NAA15: variants seen among roughly 807,000 people sequenced by gnomAD.
The protein encoded by NAA15 is N-alpha-acetyltransferase 15, NatA auxiliary subunit.
Under a neutral mutation model 114.0 loss-of-function variants are expected in NAA15, and 34 were observed. The ratio of observed to expected loss-of-function variants is 0.30; its 90% confidence interval spans 0.23 to 0.40. NAA15 has a LOEUF of 0.40. NAA15 is among the 10% of genes least tolerant of loss of function. The probability of loss-of-function intolerance (pLI) is 1.00; values close to 1 mark genes in which losing one functional copy is unlikely to be tolerated. For synonymous variants in NAA15, 340 were observed against 338.0 expected (o/e 1.01, Z -0.06); for missense variants, 658 against 1,004.5 (o/e 0.66, Z 4.66).
chr4:139,381,197 CTT>C (rs1232444352), intron 17 of NAA15, among the ~76,000 whole-genome samples: 2 of 152,072 alleles, frequency 1.3e-5, no homozygotes, highest in Non-Finnish European at 2.9e-5. Context: ...GGAGCACTGT[CTT>C]TTTCTTATTA....
chr4:139,370,531 A>G (rs2110977905), intron 15 of NAA15, 127 bp downstream of exon 15: 1 of 765,946 alleles, frequency 1.3e-6, no homozygotes, highest in East Asian at 3.3e-5. Context: ...AAATTATTTT[A>G]TTTTTTAGTA....
chr4:139,335,654 C>T (rs973448219), intron 2 of NAA15, among the ~76,000 whole-genome samples: 5 of 152,124 alleles, frequency 3.3e-5, no homozygotes, highest in Non-Finnish European at 5.9e-5. Context: ...TGAGCCACTG[C>T]GCCCAGCCTA....
intron 1 of NAA15, among the ~76,000 whole-genome samples, chr4:139,307,180 G>A (rs370784940): frequency 6.6e-6 from 1 of 152,218 alleles, no homozygotes; most frequent in Admixed American, 6.5e-5. Context: ...AGGTGCTTTA[G>A]AATAGCACTG....
intron 1 of NAA15, among the ~76,000 whole-genome samples, chr4:139,329,045 T>TG (rs1420317692): frequency 7.3e-6 from 1 of 137,326 alleles, no homozygotes; most frequent in Non-Finnish European, 1.6e-5. Context: ...AATTTTTTTT[T>TG]TTTTTTTTGT....
intron 1 of NAA15, among the ~76,000 whole-genome samples, chr4:139,311,155 A>G (rs1265864708): frequency 6.6e-6 from 1 of 151,558 alleles, no homozygotes; most frequent in African/African-American, 2.4e-5. Flanking sequence ...TTCTCACCTT[A>G]TTTTCTTATT....
chr4:139,315,001 T>TTCAGTTCAGTTCAGG (rs1181192026), intron 1 of NAA15, among the ~76,000 whole-genome samples: 1 of 74,354 alleles, frequency 1.3e-5, no homozygotes, highest in Non-Finnish European at 2.5e-5. Context: ...TTCAGTTCAG[T>TTCAGTTCAGTTCAGG]TTAGTTTAGG....
Position 139,354,047 on chromosome 4 carries a change from G to C in NAA15, c.1036G>C (p.Val346Leu). ...CTAGGTGGCAATCATAGAAGAGTTA[G>C]TAGTAGGTTATGAAACCTCTCTAAA... The part of the protein sequence containing the change: ...KEKVAIIEEL[V>L]VGYETSLKSC... Residue 346 changes from valine (V) to leucine (L), a missense_variant, in exon 10 of 20, where the codon GTA (valine) becomes CTA (leucine). Physicochemically the swap from Val to Leu is conservative, Grantham distance 32. Around this residue, in one of 6 missense-constraint regions of NAA15, gnomAD observed 281 missense variants for 389.1 expected, o/e 0.72. Transcript: ENST00000296543. 6.2e-7 allele frequency: 1 copy of C among 1,613,674 alleles called. No individual in the cohort carries two copies. Among genetic ancestry groups the C allele is most frequent in the Non-Finnish European group, 8.5e-7 (1 of 1,179,708 alleles).
Position 139,352,817 on chromosome 4 carries a change from G to A in NAA15, c.1014+1206G>A, listed in dbSNP as rs371215997. ...CAAGTAGCTGCGATTACAGGCACGT[G>A]CCACCATACCAGGCTAATTTTTGTA... is the stretch of plus-strand genomic sequence containing the variant. On this transcript the variant is annotated intron_variant, in intron 9 of 19. Transcript: ENST00000296543. 1.9e-4 allele frequency among the ~76,000 whole-genome samples: 29 copies of A among 151,964 alleles called. 1 individual carries two copies. In the East Asian group the frequency reaches 4.6e-3, roughly 24 times the overall value.
At chr4:139,327,748 C>T (rs1746849973) in intron 1 of NAA15, among the ~76,000 whole-genome samples, 1 of 152,156 alleles carries the variant, frequency 6.6e-6, no homozygotes, top group Admixed American at 6.5e-5. Flanking sequence ...TCACTGTAAC[C>T]TCTGCCTCCC....
chr4:139,326,871 G>GT (rs1408360837), intron 1 of NAA15, among the ~76,000 whole-genome samples: 1 of 152,064 alleles, frequency 6.6e-6, no homozygotes, highest in African/African-American at 2.4e-5. Context: ...TTTAGTTTAG[G>GT]TATGTCATTA....
intron 1 of NAA15, among the ~76,000 whole-genome samples, chr4:139,310,352 G>T (rs1746178061): frequency 6.7e-6 from 1 of 149,722 alleles, no homozygotes; most frequent in Admixed American, 6.6e-5. Context: ...TACTTGGGAG[G>T]CTGAGGCAGG....
chr4:139,336,813 A>T lies in NAA15; in HGVS notation c.140-35A>T, dbSNP rs548043699. The T allele has an allele frequency of 1.1e-4, 137 of 1,279,566 alleles. 1 individual carries two copies. In the East Asian group the frequency reaches 1.5e-3, roughly 14 times the overall value. The allele number at this position is 1,279,566 out of a possible 1,614,324, so 79.3% of individuals were successfully genotyped here. On this transcript the variant is annotated intron_variant, in intron 2 of 19. Coordinates refer to ENST00000296543, the MANE Select transcript of NAA15 (RefSeq NM_057175.5). ...ATTTATTTTTAATATTTATTTTTTT[A>T]AAATGTTCCTTTTCTTCTTTGTTTT... is the stretch of plus-strand genomic sequence containing the variant.
At chr4:139,322,077 A>G (rs546321268) in intron 1 of NAA15, among the ~76,000 whole-genome samples, 3 of 152,178 alleles carry the variant, frequency 2.0e-5, no homozygotes, top group South Asian at 2.1e-4. Flanking sequence ...TTATCAGCTT[A>G]TACTTTTTGA....
chr4:139,324,760 A>G (rs1579093557), intron 1 of NAA15, among the ~76,000 whole-genome samples: 1 of 152,148 alleles, frequency 6.6e-6, no homozygotes, highest in Non-Finnish European at 1.5e-5. Context: ...CAAATTGGAT[A>G]TTTTTTGTTA....
intron 1 of NAA15, among the ~76,000 whole-genome samples, chr4:139,316,270 T>C (rs947208840): frequency 3.9e-5 from 6 of 152,078 alleles, no homozygotes; most frequent in African/African-American, 1.4e-4. Context: ...TATAAAATAT[T>C]TGATTCACAT....
intron 14 of NAA15, among the ~76,000 whole-genome samples, chr4:139,364,884 TTTTATTTCTTTCAATA>T (rs1748234095): frequency 6.6e-6 from 1 of 152,146 alleles, no homozygotes; most frequent in African/African-American, 2.4e-5. Context: ...ATGGCAGTAG[TTTTATTTCTTTCAATA>T]TTTATACCTT....
At chr4:139,306,992 T>C (rs1036816988) in intron 1 of NAA15, among the ~76,000 whole-genome samples, 2 of 152,216 alleles carry the variant, frequency 1.3e-5, no homozygotes, top group African/African-American at 4.8e-5. Flanking sequence ...CATCAATAAA[T>C]GTAGTTTTGG....
chr4:139,301,958 A>G, intron 1 of NAA15, 127 bp downstream of exon 1: 1 of 1,012,654 alleles, frequency 9.9e-7, no homozygotes, highest in Admixed American at 2.5e-5. Context: ...AGCTCTCGTC[A>G]GGCCGAATGC....
intron 6 of NAA15, among the ~76,000 whole-genome samples, chr4:139,344,763 A>G (rs997667190): frequency 5.3e-5 from 8 of 152,188 alleles, no homozygotes; most frequent in African/African-American, 1.7e-4. Context: ...AGTCTTTACT[A>G]AAATACATAT....
Sources: allele counts gnomAD v4.1 joint callset (sites outside exome capture counted in the v4.1 genomes callset), GRCh38; gene constraint gnomAD v4.1.1; regional missense constraint gnomAD v4.1.1; transcripts MANE v1.5; gene names NCBI Gene and HGNC (gene_info 2026-07-23, HGNC 2026-07-21).